The following MBD5 variants were observed in gnomAD, a reference collection of about 807,000 sequenced individuals.
MBD5 encodes the protein methyl-CpG binding domain protein 5, also known as methyl-CpG-binding domain protein 5.
Under a neutral mutation model 117.3 loss-of-function variants are expected in MBD5, and 13 were observed. The observed-to-expected ratio is 0.11, with a 90% CI of 0.07 to 0.18. The LOEUF is 0.18. Among genes scored for constraint, MBD5 ranks in the 10% least tolerant of loss-of-function variants. The probability of loss-of-function intolerance (pLI) is 1.00; values close to 1 mark genes in which losing one functional copy is unlikely to be tolerated. For missense variants in MBD5, 1,879 were observed against 2,093.8 expected (o/e 0.90, Z 2.00); for synonymous variants, 727 against 766.4 (o/e 0.95, Z 0.85).
At chr2:148,454,340 A>G (rs1268169043) in intron 4 of MBD5, among the ~76,000 whole-genome samples, 1 of 152,176 alleles carries the variant, frequency 6.6e-6, no homozygotes, top group Non-Finnish European at 1.5e-5. Context: ...GAATAGTTGT[A>G]TAATCATATG....
chr2:148,052,881 G>A (rs1239632348), intron 1 of MBD5, among the ~76,000 whole-genome samples: 1 of 149,976 alleles, frequency 6.7e-6, no homozygotes, highest in Non-Finnish European at 1.5e-5. Flanking sequence ...TCTGTCACTT[G>A]AGTCCAGGAG....
At chr2:148,073,284 A>G (rs966817952) in intron 1 of MBD5, among the ~76,000 whole-genome samples, 1 of 152,142 alleles carries the variant, frequency 6.6e-6, no homozygotes, top group Non-Finnish European at 1.5e-5. Context: ...AGGGGGTAGC[A>G]GGTATAGGCA....
chr2:148,439,156 G>T (rs1053181733), intron 4 of MBD5, among the ~76,000 whole-genome samples: 2 of 152,266 alleles, frequency 1.3e-5, no homozygotes, highest in South Asian at 4.1e-4. Context: ...TTCCTCAGAA[G>T]TTGACTTTCA....
intron 3 of MBD5, among the ~76,000 whole-genome samples, chr2:148,329,009 A>G (rs1159168616): frequency 1.3e-5 from 2 of 152,214 alleles, no homozygotes; most frequent in Non-Finnish European, 2.9e-5. Flanking sequence ...TTAATTGAGA[A>G]AATGTATACA....
At chr2:148,037,664 G>T (rs902824784) in intron 1 of MBD5, among the ~76,000 whole-genome samples, 1 of 151,878 alleles carries the variant, frequency 6.6e-6, no homozygotes, top group African/African-American at 2.4e-5. Flanking sequence ...CAGTGTATTC[G>T]CATTATAAAT....
chr2:148,152,436 C>G (rs1185331494), intron 1 of MBD5, among the ~76,000 whole-genome samples: 1 of 152,060 alleles, frequency 6.6e-6, no homozygotes, highest in African/African-American at 2.4e-5. Context: ...GTGGAGAGTT[C>G]TGTAGATGTC....
intron 4 of MBD5, among the ~76,000 whole-genome samples, chr2:148,365,871 A>AACAT: frequency 6.6e-6 from 1 of 152,190 alleles, no homozygotes; most frequent in African/African-American, 2.4e-5. Flanking sequence ...GACCAGATGG[A>AACAT]TGCCCAGGTG....
chr2:148,237,915 C>T (rs1700124968), intron 3 of MBD5, among the ~76,000 whole-genome samples: 1 of 151,932 alleles, frequency 6.6e-6, no homozygotes, highest in South Asian at 2.1e-4. Context: ...TTTTTTCACC[C>T]CCAATTTGTA....
chr2:148,105,811 G>A (rs1014564776), intron 1 of MBD5, among the ~76,000 whole-genome samples: 15 of 151,516 alleles, frequency 9.9e-5, no homozygotes, highest in Admixed American at 2.0e-4. Context: ...AAGCATTTAC[G>A]GCTATAAAAT....
intron 4 of MBD5, among the ~76,000 whole-genome samples, chr2:148,398,147 A>G (rs1190554893): frequency 6.6e-6 from 1 of 152,150 alleles, no homozygotes; most frequent in Non-Finnish European, 1.5e-5. Context: ...AGCATGTTTT[A>G]TACTCCTTTG....
chr2:148,390,321 A>G (rs1219487062), intron 4 of MBD5, among the ~76,000 whole-genome samples: 1 of 151,922 alleles, frequency 6.6e-6, no homozygotes, highest in Non-Finnish European at 1.5e-5. Context: ...TGATTATTAC[A>G]TTATAACCTA....
intron 1 of MBD5, among the ~76,000 whole-genome samples, chr2:148,173,725 T>C (rs186597893): frequency 4.4e-4 from 67 of 152,150 alleles, no homozygotes; most frequent in African/African-American, 1.6e-3. Flanking sequence ...GTCTCATAAA[T>C]AAATAAATAA....
rs566168924 is a variant in MBD5, at chr2:148,224,375, G to A, written c.-830-8870G>A. On this transcript the variant is annotated intron_variant, in intron 2 of 13. Coordinates refer to ENST00000642680, the MANE Select transcript of MBD5 (RefSeq NM_001378120.1). ...TATTTATTTTTTGAGATGGAGTCTCGCTCCGTCACCAGGCTGGAGTGCAGT... is the reference window on the plus strand; with the variant it reads ...TATTTATTTTTTGAGATGGAGTCTCACTCCGTCACCAGGCTGGAGTGCAGT... 7.2e-5 allele frequency among the ~76,000 whole-genome samples: 11 copies of A among 151,876 alleles called. No homozygotes were observed. The South Asian group carries it at 1.0e-3, about 14-fold the overall frequency.
At chr2:148,327,894 T>C (rs1702505634) in intron 3 of MBD5, among the ~76,000 whole-genome samples, 1 of 152,218 alleles carries the variant, frequency 6.6e-6, no homozygotes, top group African/African-American at 2.4e-5. Flanking sequence ...GGAACTGCGT[T>C]CCTTTGGAGG....
At chr2:148,403,466 C>A (rs1171621765) in intron 4 of MBD5, among the ~76,000 whole-genome samples, 1 of 152,172 alleles carries the variant, frequency 6.6e-6, no homozygotes, top group Non-Finnish European at 1.5e-5. Flanking sequence ...AGGAGTGAAC[C>A]ATCAAGCTCA....
At chr2:148,411,505 ATCTGTTCTTTT>A (rs1299862082) in intron 4 of MBD5, among the ~76,000 whole-genome samples, 4 of 119,772 alleles carry the variant, frequency 3.3e-5, no homozygotes, top group Admixed American at 9.4e-5. Context: ...ACTTACCAGC[ATCTGTTCTTTT>A]TTTTTTTTTT....
chr2:148,262,983 C>G (rs1700767723), intron 3 of MBD5, among the ~76,000 whole-genome samples: 1 of 152,128 alleles, frequency 6.6e-6, no homozygotes, highest in African/African-American at 2.4e-5. Context: ...GAACAATCAA[C>G]TTTCTGATAC....
chr2:148,403,774 A>G (rs955426161), intron 4 of MBD5, among the ~76,000 whole-genome samples: 22 of 152,250 alleles, frequency 1.4e-4, no homozygotes, highest in African/African-American at 4.8e-4. Flanking sequence ...ATTTCGTTCA[A>G]TACAATTCTG....
At chr2:148,254,830 G>A (rs187881016) in intron 3 of MBD5, among the ~76,000 whole-genome samples, 1 of 152,266 alleles carries the variant, frequency 6.6e-6, no homozygotes, top group Admixed American at 6.5e-5. Flanking sequence ...TGCTTGGGCT[G>A]GGGGTACTAC....
Sources: allele counts gnomAD v4.1 joint callset (sites outside exome capture counted in the v4.1 genomes callset), GRCh38; gene constraint gnomAD v4.1.1; transcripts MANE v1.5; gene names NCBI Gene and HGNC (gene_info 2026-07-23, HGNC 2026-07-21).